TBX19: variants seen among roughly 807,000 people sequenced by gnomAD.
TBX19 encodes T-box transcription factor 19.
TBX19 carries 33 observed loss-of-function variants against 40.9 expected under a neutral mutation model. The observed-to-expected ratio is 0.81, with a 90% CI of 0.61 to 1.08. The LOEUF (loss-of-function observed/expected upper bound fraction) is 1.08. TBX19 is among the 50% of genes least tolerant of loss of function. The pLI is 0.00. For missense variants in TBX19, 494 were observed against 574.0 expected, an observed-to-expected ratio of 0.86 and a Z score of 1.42; for synonymous variants, 220 against 225.0, an observed-to-expected ratio of 0.98 and a Z score of 0.20.
At chr1:168,297,963 G>A (rs1237047978) in intron 4 of TBX19, among the ~76,000 whole-genome samples, 178 bp downstream of exon 4, 3 of 152,134 alleles carry the variant, frequency 2.0e-5, no homozygotes, top group Non-Finnish European at 4.4e-5. Flanking sequence ...TTGGGAGGCC[G>A]AGGCGGGCAG....
intron 7 of TBX19, among the ~76,000 whole-genome samples, chr1:168,312,057 AG>A (rs1253423120): frequency 6.6e-6 from 1 of 152,244 alleles, no homozygotes; most frequent in Non-Finnish European, 1.5e-5. Flanking sequence ...CCTTTCAGCC[AG>A]GCACCAGAGC....
At chr1:168,289,981 G>A (rs1293728993) in intron 1 of TBX19, among the ~76,000 whole-genome samples, 1 of 152,152 alleles carries the variant, frequency 6.6e-6, no homozygotes, top group East Asian at 1.9e-4. Flanking sequence ...ATCGCCTGAG[G>A]TTGAGAGTTT....
intron 7 of TBX19, among the ~76,000 whole-genome samples, chr1:168,309,353 A>G (rs1372675525): frequency 6.6e-6 from 1 of 152,214 alleles, no homozygotes; most frequent in African/African-American, 2.4e-5. Flanking sequence ...AGCTTGGGCA[A>G]CAAGAGTGAA....
chr1:168,288,941 T>A (rs1356731561), intron 1 of TBX19, among the ~76,000 whole-genome samples: 1 of 152,170 alleles, frequency 6.6e-6, no homozygotes, highest in African/African-American at 2.4e-5. Flanking sequence ...TTGTATTTTT[T>A]ATGGAGATGG....
chr1:168,300,517 G>T, intron 5 of TBX19, 34 bp downstream of exon 5: 1 of 1,604,334 alleles, frequency 6.2e-7, no homozygotes, highest in Non-Finnish European at 8.5e-7. Context: ...GGAGGTGCGT[G>T]GGGCTGTACC....
intron 1 of TBX19, among the ~76,000 whole-genome samples, chr1:168,285,258 A>G (rs967433446): frequency 1.0e-5 from 1 of 97,340 alleles, no homozygotes; most frequent in Admixed American, 1.2e-4. Context: ...TGCACCATGT[A>G]TGTCACACAC....
intron 1 of TBX19, 39 bp downstream of exon 1, chr1:168,281,332 T>C (rs1648644351): frequency 6.3e-7 from 1 of 1,593,106 alleles, no homozygotes; most frequent in Non-Finnish European, 8.6e-7. Flanking sequence ...TGGCAGGGCT[T>C]GGCAGGAGAG....
chr1:168,298,757 T>C (rs1649180052), intron 4 of TBX19, among the ~76,000 whole-genome samples: 2 of 141,408 alleles, frequency 1.4e-5, no homozygotes, highest in South Asian at 5.0e-4. Context: ...TTCCCTTCCC[T>C]TCCATTCCCT....
intron 1 of TBX19, among the ~76,000 whole-genome samples, chr1:168,287,468 AT>A (rs368642727): frequency 1.6e-4 from 24 of 150,202 alleles, no homozygotes; most frequent in African/African-American, 3.4e-4. Context: ...ATTTGAAATG[AT>A]TTTTTTTTTA....
intron 5 of TBX19, among the ~76,000 whole-genome samples, chr1:168,301,445 T>C (rs1572480581): frequency 6.6e-6 from 1 of 152,148 alleles, no homozygotes; most frequent in East Asian, 1.9e-4. Flanking sequence ...GTATTTTTGG[T>C]AGAGATGGGG....
At chr1:168,299,343 A>G (rs1277901135) in intron 4 of TBX19, among the ~76,000 whole-genome samples, 1 of 152,158 alleles carries the variant, frequency 6.6e-6, no homozygotes, top group Non-Finnish European at 1.5e-5. Context: ...CTTGAGTTTC[A>G]AATCTTTTAA....
In TBX19 at chr1:168,294,009, C is replaced by T. The variant is rs538365613; in HGVS notation, c.603+731C>T. On this transcript the variant is annotated intron_variant, in intron 3 of 7. Coordinates refer to ENST00000367821, the MANE Select transcript of TBX19 (RefSeq NM_005149.3). Reference sequence around the variant, plus strand: ...ATGAAGACTACAGGGTAAAGCTATACGGGTTTCTTCCGCTTTTGGAAACTC... The same window carrying T: ...ATGAAGACTACAGGGTAAAGCTATATGGGTTTCTTCCGCTTTTGGAAACTC... Among the ~76,000 whole-genome samples the T allele has an allele frequency of 1.6e-4, 24 of 152,196 alleles. No individual in the cohort carries two copies. The South Asian group carries it at 1.9e-3, about 12-fold the overall frequency.
chr1:168,308,391 T>G, intron 6 of TBX19: 1 of 340,860 alleles, frequency 2.9e-6, no homozygotes. Context: ...AGGCTTAGCT[T>G]GAGGGGAGGC....
At chr1:168,284,458 T>A (rs1340005950) in intron 1 of TBX19, among the ~76,000 whole-genome samples, 1 of 151,966 alleles carries the variant, frequency 6.6e-6, no homozygotes, top group African/African-American at 2.4e-5. Flanking sequence ...GAGGATTGCT[T>A]GAGCCCAGGA....
intron 4 of TBX19, among the ~76,000 whole-genome samples, chr1:168,299,001 C>T (rs181528612): frequency 6.7e-6 from 1 of 148,652 alleles, no homozygotes; most frequent in African/African-American, 2.5e-5. Flanking sequence ...GCAACTTCTG[C>T]TTCCTGGGTG....
At chr1:168,311,979 T>C (rs907949811) in intron 7 of TBX19, among the ~76,000 whole-genome samples, 2 of 152,166 alleles carry the variant, frequency 1.3e-5, no homozygotes, top group Admixed American at 1.3e-4. Context: ...ATGTGCCGAA[T>C]GTGCAATCAA....
chr1:168,305,340 TTTTA>T (rs1246159161), intron 6 of TBX19, 144 bp downstream of exon 6: 4 of 743,304 alleles, frequency 5.4e-6, no homozygotes, highest in Non-Finnish European at 6.7e-6. Context: ...TGTTTTTGTG[TTTTA>T]TTTTATTGTT....
chr1:168,305,544 C>G (rs1047328060), intron 6 of TBX19, among the ~76,000 whole-genome samples: 53 of 152,190 alleles, frequency 3.5e-4, no homozygotes, highest in Non-Finnish European at 2.9e-4. Context: ...CTCAGCTCAT[C>G]ACCTTCGCAT....
In TBX19 at chr1:168,281,309, G is replaced by A. The variant is rs768692324; in HGVS notation, c.203+16G>A. On this transcript the variant is annotated intron_variant, in intron 1 of 7. Coordinates refer to ENST00000367821, the MANE Select transcript of TBX19 (RefSeq NM_005149.3). ...AGAATGGCAGGTGAGTTTATCTGCC[G>A]CCCCGCGTGGGCTGGCAGGGCTTGG... 92 of 1,611,556 alleles carry A rather than the reference G, an allele frequency of 5.7e-5. No homozygotes were observed. Among genetic ancestry groups the A allele is most frequent in the Middle Eastern group, 1.6e-4 (1 of 6,078 alleles).
Sources: allele counts gnomAD v4.1 joint callset (sites outside exome capture counted in the v4.1 genomes callset), GRCh38; gene constraint gnomAD v4.1.1; transcripts MANE v1.5; gene names NCBI Gene and HGNC (gene_info 2026-07-23, HGNC 2026-07-21).